The following KLHL12 variants were observed in gnomAD, a reference collection of about 807,000 sequenced individuals.
KLHL12 encodes the protein kelch like family member 12, also known as kelch-like protein 12.
Under a neutral mutation model 60.8 loss-of-function variants are expected in KLHL12, and 17 were observed. The observed-to-expected ratio is 0.28, with a 90% CI of 0.19 to 0.42. The LOEUF is 0.42. Ranked by LOEUF, KLHL12 falls within the 10% of genes least tolerant of loss-of-function variation. The pLI, the probability that KLHL12 is intolerant of heterozygous loss-of-function variation, is 1.00. For synonymous variants in KLHL12, 220 were observed against 250.9 expected (o/e 0.88, Z 1.16); for missense variants, 468 against 722.3 (o/e 0.65, Z 4.04).
At chr1:202,916,980 A>AT (rs1381234800) in intron 4 of KLHL12, among the ~76,000 whole-genome samples, 1 of 151,424 alleles carries the variant, frequency 6.6e-6, no homozygotes, top group Non-Finnish European at 1.5e-5. Context: ...CAGAAGAAAA[A>AT]AAAAAAAAAT....
At chr1:202,923,259 A>T (rs1422570712) in intron 2 of KLHL12, among the ~76,000 whole-genome samples, 2 of 152,246 alleles carry the variant, frequency 1.3e-5, no homozygotes, top group South Asian at 2.1e-4. Context: ...TGCACAACAT[A>T]TAATTAGCAA....
At position 202,925,697 on chromosome 1, in the gene KLHL12, T is replaced by A. The variant is rs576951592; in HGVS notation, c.-45-490A>T. Among the ~76,000 whole-genome samples the A allele has an allele frequency of 1.9e-4, 29 of 152,310 alleles. No individual in the cohort carries two copies. In the South Asian group the frequency reaches 3.3e-3, roughly 17 times the overall value. On this transcript the variant is annotated intron_variant, in intron 1 of 11. Transcript: ENST00000367261. ...AGAATTTAATGTAAGAAAAAGTGTG[T>A]ATTCAACTTCAACTTAGAGCAAGAA...
At position 202,911,807 on chromosome 1, in the gene KLHL12, C is replaced by A. The variant is rs377158170; in HGVS notation, c.568-604G>T. ...ATCTTTAAAGTCTCTCTCCTCCCTG[C>A]CGTCATGTCTAAGTCAGAGTCTCCT... On this transcript the variant is annotated intron_variant, in intron 4 of 11. Transcript: ENST00000367261. 9.6e-5 allele frequency: 69 copies of A among 717,896 alleles called. 1 individual carries two copies. The highest frequency in any genetic ancestry group is 8.4e-4 in the East Asian group (34 of 40,710). The allele number at this position is 717,896 out of a possible 1,614,324, so 44.5% of individuals were successfully genotyped here.
chr1:202,917,381 A>G (rs1002516816), intron 4 of KLHL12, among the ~76,000 whole-genome samples: 2 of 152,096 alleles, frequency 1.3e-5, no homozygotes, highest in Non-Finnish European at 2.9e-5. Context: ...TGCCAGGCTA[A>G]TTTTATTTTT....
intron 2 of KLHL12, among the ~76,000 whole-genome samples, chr1:202,924,351 A>G (rs1301883637): frequency 1.3e-5 from 2 of 152,126 alleles, no homozygotes; most frequent in African/African-American, 4.8e-5. Flanking sequence ...ATTTACACTG[A>G]TTTTCTTCAC....
At chr1:202,922,599 G>A (rs1232776291) in intron 2 of KLHL12, among the ~76,000 whole-genome samples, 1 of 151,482 alleles carries the variant, frequency 6.6e-6, no homozygotes, top group Non-Finnish European at 1.5e-5. Context: ...CCATTCTCCT[G>A]CCTCAGCCTC....
rs1199843592 is a variant in KLHL12 at position 202,893,826 on chromosome 1, T to TC, written c.1393+357dup. Among the ~76,000 whole-genome samples the TC allele has an allele frequency of 6.6e-6, 1 of 152,194 alleles. No individual in the cohort carries two copies. Among genetic ancestry groups the TC allele is most frequent in the Non-Finnish European group, 1.5e-5 (1 of 68,038 alleles). On this transcript the variant is annotated intron_variant, in intron 10 of 11. Coordinates refer to ENST00000367261, the MANE Select transcript of KLHL12 (RefSeq NM_021633.4). The surrounding 1 kb of genome is among the most constrained non-coding windows in gnomAD (Gnocchi z 4.1). Reference sequence around the variant, plus strand: ...GCACAGTGCTCTCTCCTTTTCTATATCCCAGCCTGCTCCACTTCAAAAAGC... The same window carrying TC: ...GCACAGTGCTCTCTCCTTTTCTATATCCCCAGCCTGCTCCACTTCAAAAAGC...
At chr1:202,923,146 GT>G (rs1553239947) in intron 2 of KLHL12, among the ~76,000 whole-genome samples, 7 of 151,832 alleles carry the variant, frequency 4.6e-5, no homozygotes, top group East Asian at 1.9e-4. Context: ...CTTGCCTGAT[GT>G]CAGTTTTTAA....
Position 202,909,233 on chromosome 1 carries a change from C to A in KLHL12, c.718-109G>T. ...CTTCTGACTACAGAAAACCAGTTTGCAAAGCCCTGTGATTCCAGGAGTATT... is the reference window on the plus strand; with the variant it reads ...CTTCTGACTACAGAAAACCAGTTTGAAAAGCCCTGTGATTCCAGGAGTATT... On this transcript the variant is annotated intron_variant, in intron 5 of 11. Transcript: ENST00000367261. The surrounding 1 kb of genome is among the most constrained non-coding windows in gnomAD (Gnocchi z 4.1). The A allele has an allele frequency of 1.5e-6, 1 of 668,548 alleles. No homozygotes were observed. The highest frequency in any genetic ancestry group is 1.9e-5 in the South Asian group (1 of 52,054). 41.4% of individuals were successfully genotyped at this position (668,548 alleles called of 1,614,324 possible). A position where few individuals can be genotyped will look rare whatever the true frequency, so the allele number is the denominator to read the frequency against.
intron 10 of KLHL12, among the ~76,000 whole-genome samples, 172 bp downstream of exon 10, chr1:202,894,011 AT>A (rs1259686210): frequency 6.6e-6 from 1 of 152,242 alleles, no homozygotes; most frequent in Non-Finnish European, 1.5e-5. Context: ...CAAATTTATA[AT>A]CTAGTTGTAA....
chr1:202,897,228 CTTTTTTTTTTTT>C (rs11305071), intron 6 of KLHL12, among the ~76,000 whole-genome samples: 7 of 82,280 alleles, frequency 8.5e-5, no homozygotes, highest in Admixed American at 1.6e-4. Context: ...ATTTCTTTTT[CTTTTTTTTTTTT>C]TTTTTTTTTT....
chr1:202,903,421 T>C (rs1660074409), intron 6 of KLHL12, among the ~76,000 whole-genome samples: 1 of 140,096 alleles, frequency 7.1e-6, no homozygotes, highest in African/African-American at 2.6e-5. Flanking sequence ...TTCTGCGAAC[T>C]GTACACTCAA....
rs60802038 is a variant in KLHL12, at chr1:202,899,433, C to T, written c.833-2473G>A. 7.2e-4 allele frequency among the ~76,000 whole-genome samples: 110 copies of T among 152,264 alleles called. 2 individuals carry two copies. The East Asian group carries it at 0.02, about 28-fold the overall frequency. ...AACATATACACTCACACATAAACCA[C>T]GGAGTTTTTCTAAGAGGGCACTTGT... On this transcript the variant is annotated intron_variant, in intron 6 of 11. Transcript: ENST00000367261.
intron 1 of KLHL12, among the ~76,000 whole-genome samples, chr1:202,926,741 G>A (rs944637033): frequency 2.6e-5 from 4 of 152,138 alleles, no homozygotes; most frequent in African/African-American, 7.2e-5. Flanking sequence ...TAGAACTTTC[G>A]TTAACATCTG....
At position 202,918,248 on chromosome 1, in the gene KLHL12, C is replaced by T; in HGVS notation, c.490G>A (p.Glu164Lys). ...AEVFSQKHFP[E>K]VVQHEEFILL... Reference sequence around the variant, plus strand: ...ATGAACTCTTCATGCTGTACCACTTCAGGAAAATGCTTCTGGCTAAAAACC... The same window carrying T: ...ATGAACTCTTCATGCTGTACCACTTTAGGAAAATGCTTCTGGCTAAAAACC... The change falls in exon 4 of 12, where the codon GAA becomes AAA. Residue 164 changes from glutamate to lysine, a missense_variant. Glu to Lys is a moderately conservative substitution (Grantham distance 56). Around this residue, in one of 4 missense-constraint regions of KLHL12, gnomAD observed 339 missense variants for 525.0 expected, o/e 0.65. Transcript: ENST00000367261. The T allele has an allele frequency of 6.2e-7, 1 of 1,614,184 alleles. No individual in the cohort carries two copies. Among genetic ancestry groups the T allele is most frequent in the Non-Finnish European group, 8.5e-7 (1 of 1,180,030 alleles).
upstream of KLHL12, chr1:202,927,292 C>A: frequency 4.1e-6 from 4 of 985,068 alleles, no homozygotes; most frequent in Non-Finnish European, 4.8e-6. Flanking sequence ...GCCCTCCCCC[C>A]GCTCCAGAGT....
chr1:202,923,870 A>C (rs991988893), intron 2 of KLHL12, among the ~76,000 whole-genome samples: 3 of 50,386 alleles, frequency 6.0e-5, no homozygotes, highest in East Asian at 8.5e-4. Context: ...TAAAAAAAAA[A>C]CAAAAAACAA....
intron 2 of KLHL12, among the ~76,000 whole-genome samples, chr1:202,923,832 A>G (rs1268481251): frequency 2.0e-5 from 3 of 150,450 alleles, no homozygotes; most frequent in Non-Finnish European, 4.4e-5. Context: ...TTCAGCAGCA[A>G]TATCTACACT....
Position 202,893,186 on chromosome 1 carries a change from T to A in KLHL12, c.1580+53A>T, listed in dbSNP as rs1169536857. On this transcript the variant is annotated intron_variant, in intron 11 of 11. Transcript: ENST00000367261. The surrounding 1 kb of genome is among the most constrained non-coding windows in gnomAD (Gnocchi z 4.1). Reference sequence around the variant, plus strand: ...GTCCAAAAATGAGGATCAGATCACATAGACTCTTGCTCTGGCTACATATTG... The same window carrying A: ...GTCCAAAAATGAGGATCAGATCACAAAGACTCTTGCTCTGGCTACATATTG... 4 of 1,427,314 alleles carry A rather than the reference T, an allele frequency of 2.8e-6. No homozygotes were observed. The highest frequency in any genetic ancestry group is 3.8e-6 in the Non-Finnish European group (4 of 1,048,730). The allele number at this position is 1,427,314 out of a possible 1,614,324, so 88.4% of individuals were successfully genotyped here.
Sources: gnomAD v4.1 joint callset for allele counts (sites outside exome capture counted in the v4.1 genomes callset) on GRCh38, gnomAD v4.1.1 for gene constraint, gnomAD v4.1.1 regional missense constraint, Gnocchi (gnomAD v3.1) non-coding constraint, MANE v1.5 for transcripts, NCBI Gene and HGNC (gene_info 2026-07-23, HGNC 2026-07-21) for gene names.